Variants in ATF3 observed in about 807,000 individuals in gnomAD.
ATF3 encodes activating transcription factor 3, also known as cyclic AMP-dependent transcription factor ATF-3.
A neutral mutation model predicts 18.4 loss-of-function variants in ATF3; 10 were observed. The observed-to-expected ratio is 0.54, with a 90% confidence interval of 0.34 to 0.92. The LOEUF (loss-of-function observed/expected upper bound fraction) is 0.92. Among genes scored for constraint, ATF3 ranks in the 40% least tolerant of loss-of-function variants. The pLI is 0.02. For missense variants in ATF3, 183 were observed against 222.3 expected (o/e 0.82, Z 1.12); for synonymous variants, 78 against 87.9 (o/e 0.89, Z 0.63).
At chr1:212,581,847 A>G (rs961630980) in intron 1 of ATF3, among the ~76,000 whole-genome samples, 2 of 152,226 alleles carry the variant, frequency 1.3e-5, no homozygotes, top group Admixed American at 6.5e-5. Context: ...ATATAATTGC[A>G]TATTCTTAAG....
intron 1 of ATF3, among the ~76,000 whole-genome samples, chr1:212,591,090 C>T (rs1434518248): frequency 6.6e-6 from 1 of 152,210 alleles, no homozygotes. Context: ...GTACCAGGGA[C>T]ATGTGGCTGC....
intron 1 of ATF3, among the ~76,000 whole-genome samples, chr1:212,614,569 A>G (rs1309624788): frequency 1.4e-5 from 2 of 144,394 alleles, no homozygotes; most frequent in African/African-American, 5.1e-5. Context: ...AAGTGAAAGA[A>G]ACTTTATTTT....
chr1:212,582,778 A>G (rs746282996), intron 1 of ATF3, among the ~76,000 whole-genome samples: 51 of 152,012 alleles, frequency 3.4e-4, no homozygotes, highest in Non-Finnish European at 5.7e-4. Context: ...CACTTAGGAG[A>G]AAGGAGGGGA....
rs1418507507 is a variant in ATF3, at chr1:212,580,303, C to G, written c.-5+14820C>G. ...GGGAGGAAGAATGCTTTCATTTTCA[C>G]TACTGTTTACTTTCAAATTTCCACT... On this transcript the variant is annotated intron_variant, in intron 1 of 3. Coordinates refer to the ATF3 transcript ENST00000366981. Among the ~76,000 whole-genome samples the G allele has an allele frequency of 2.0e-5, 3 of 152,004 alleles. No individual in the cohort carries two copies. The East Asian group carries it at 5.8e-4, about 29-fold the overall frequency.
chr1:212,588,642 A>AACCACC, intron 1 of ATF3, among the ~76,000 whole-genome samples: 1 of 151,892 alleles, frequency 6.6e-6, no homozygotes, highest in Non-Finnish European at 1.5e-5. Context: ...CAACCACAAC[A>AACCACC]ACAAAAAAAC....
upstream of ATF3, among the ~76,000 whole-genome samples, chr1:212,606,405 G>A (rs1571779795): frequency 6.6e-6 from 1 of 152,240 alleles, no homozygotes; most frequent in East Asian, 1.9e-4. Context: ...AATGAAGCAA[G>A]ATTGATAAAA....
At chr1:212,607,956 T>A (rs1385459352), upstream of ATF3, among the ~76,000 whole-genome samples, 1 of 152,034 alleles carries the variant, frequency 6.6e-6, no homozygotes, top group African/African-American at 2.4e-5. Context: ...CGCCCTAGTT[T>A]CGGAGCCCGG....
At chr1:212,612,129 A>C (rs1418551147) in intron 1 of ATF3, among the ~76,000 whole-genome samples, 1 of 152,174 alleles carries the variant, frequency 6.6e-6, no homozygotes, top group Non-Finnish European at 1.5e-5. Context: ...AGAAAACCCA[A>C]ATCTCGACAG....
In ATF3 at chr1:212,614,600, AAAAG is replaced by A. The variant is rs369257471; in HGVS notation, c.-4-416_-4-413del. 9.3e-4 allele frequency among the ~76,000 whole-genome samples: 139 copies of A among 148,836 alleles called. 2 individuals carry two copies. In the South Asian group the frequency reaches 0.02, roughly 21 times the overall value. Reference sequence around the variant, plus strand: ...ATTTTGAGTAATATACAAAAAAAAAAAAAGAGAGAGAGAGAGAAAGAAAAAGAAG... The same window carrying A: ...ATTTTGAGTAATATACAAAAAAAAAAAGAGAGAGAGAGAAAGAAAAAGAAG... On this transcript the variant is annotated intron_variant, in intron 1 of 3. Coordinates refer to ENST00000341491, the MANE Select transcript of ATF3 (RefSeq NM_001674.4).
At chr1:212,579,971 C>T (rs1350814103) in intron 1 of ATF3, among the ~76,000 whole-genome samples, 33 of 151,134 alleles carry the variant, frequency 2.2e-4, no homozygotes, top group Non-Finnish European at 4.3e-4. Context: ...GGTGAAACCC[C>T]GTCTCTACTA....
In ATF3 at chr1:212,615,190, C is replaced by T. The variant is rs775980478; in HGVS notation, c.169C>T (p.Arg57Trp). Residue 57 changes from arginine (R) to tryptophan (W), a missense_variant, in exon 2 of 4, where the codon CGG becomes TGG. By Grantham distance (101) the Arg-to-Trp change is moderately radical. Transcript: ENST00000341491. ...CATCCAGAACAAGCACCTCTGCCACCGGATGTCCTCTGCGCTGGAATCAGT... is the reference window on the plus strand; with the variant it reads ...CATCCAGAACAAGCACCTCTGCCACTGGATGTCCTCTGCGCTGGAATCAGT... ...FAIQNKHLCHRMSSALESVTV... is the reference protein window; with the variant it reads ...FAIQNKHLCHWMSSALESVTV... The T allele has an allele frequency of 1.4e-5, 23 of 1,614,062 alleles. No individual in the cohort carries two copies. In the African/African-American group the frequency reaches 2.0e-4, roughly 14 times the overall value.
At chr1:212,598,253 G>A (rs1256140981) in intron 1 of ATF3, among the ~76,000 whole-genome samples, 1 of 151,906 alleles carries the variant, frequency 6.6e-6, no homozygotes, top group Non-Finnish European at 1.5e-5. Context: ...GTATTTTGTT[G>A]TTTATTTATA....
At chr1:212,578,552 A>G (rs903556279) in intron 1 of ATF3, among the ~76,000 whole-genome samples, 1 of 152,112 alleles carries the variant, frequency 6.6e-6, no homozygotes, top group Non-Finnish European at 1.5e-5. Context: ...GGTGCATTTT[A>G]AATTTCAATG....
intron 1 of ATF3, among the ~76,000 whole-genome samples, chr1:212,585,421 G>A (rs1305831165): frequency 1.3e-5 from 2 of 152,192 alleles, no homozygotes; most frequent in East Asian, 1.9e-4. Flanking sequence ...CCTCTTCTTA[G>A]GATTCTCTGC....
At chr1:212,577,880 A>G (rs1222593360) in intron 1 of ATF3, among the ~76,000 whole-genome samples, 2 of 152,234 alleles carry the variant, frequency 1.3e-5, no homozygotes, top group Non-Finnish European at 2.9e-5. Context: ...TAATGCTGCA[A>G]TGAACCTGAA....
rs117388836 is a variant in ATF3 at position 212,592,257 on chromosome 1, A to C, written c.-4-22761A>C. Among the ~76,000 whole-genome samples the C allele has an allele frequency of 4.6e-5, 7 of 152,298 alleles. No homozygotes were observed. In the East Asian group the frequency reaches 1.4e-3, roughly 29 times the overall value. ...TAAGTGAAATCATACAGCATTTTTA[A>C]AAATCTGGTTTATTTCACTCATGTT... is the stretch of plus-strand genomic sequence containing the variant. On this transcript the variant is annotated intron_variant, in intron 1 of 3. Transcript: ENST00000366981.
chr1:212,567,796 C>T (rs1664410662), intron 1 of ATF3, among the ~76,000 whole-genome samples: 3 of 152,240 alleles, frequency 2.0e-5, no homozygotes, highest in Non-Finnish European at 4.4e-5. Context: ...TGGGAAATGT[C>T]TTCTTAAAGC....
At chr1:212,589,550 A>G (rs975242643) in intron 1 of ATF3, among the ~76,000 whole-genome samples, 3 of 152,012 alleles carry the variant, frequency 2.0e-5, no homozygotes, top group Non-Finnish European at 4.4e-5. Flanking sequence ...GTGAGTCCAA[A>G]GAGCACCTGT....
At chr1:212,580,327 C>CT (rs113977243) in intron 1 of ATF3, among the ~76,000 whole-genome samples, 3,889 of 145,692 alleles carry the variant, frequency 0.027, 89 homozygotes, top group African/African-American at 0.059. Context: ...CAAATTTCCA[C>CT]TTTTTTTTTT....
Sources: allele counts gnomAD v4.1 joint callset (sites outside exome capture counted in the v4.1 genomes callset), GRCh38; gene constraint gnomAD v4.1.1; transcripts MANE v1.5; gene names NCBI Gene and HGNC (gene_info 2026-07-23, HGNC 2026-07-21).